Variants in TCTN3 observed in about 807,000 individuals in gnomAD.
TCTN3 encodes the protein tectonic family member 3.
In TCTN3, 57 loss-of-function variants were observed where a neutral mutation model predicts 71.3. The observed-to-expected ratio is 0.80, with a 90% CI of 0.65 to 1.00. TCTN3 has a LOEUF of 1.00. Ranked by LOEUF, TCTN3 falls within the 50% of genes least tolerant of loss-of-function variation. The pLI is 0.00. For synonymous variants in TCTN3, 258 were observed against 267.8 expected (o/e 0.96, Z 0.36); for missense variants, 696 against 719.9 (o/e 0.97, Z 0.38).
At chr10:95,671,285 C>T (rs756247922) in intron 13 of TCTN3, among the ~76,000 whole-genome samples, 5 of 152,154 alleles carry the variant, frequency 3.3e-5, no homozygotes, top group Non-Finnish European at 5.9e-5. Flanking sequence ...CTACTTTAAG[C>T]TATATTTCAT....
At chr10:95,680,778 C>CTTTTT (rs906355850) in intron 12 of TCTN3, among the ~76,000 whole-genome samples, 169 bp from the exon 13 acceptor site, 4 of 134,300 alleles carry the variant, frequency 3.0e-5, no homozygotes, top group Non-Finnish European at 4.7e-5. Context: ...TATTCCTGAT[C>CTTTTT]TTTTTTTTTT....
At chr10:95,686,628 G>A in intron 6 of TCTN3, 98 bp from the exon 7 acceptor site, 1 of 1,158,588 alleles carries the variant, frequency 8.6e-7, no homozygotes, top group Non-Finnish European at 1.3e-6. Flanking sequence ...TGGTTTGGCG[G>A]GCAGGGGAGT....
In TCTN3 at chr10:95,687,710, T is replaced by A; in HGVS notation, c.509A>T (p.Asn170Ile). Reference protein sequence around the residue: ...FCVHVNNSNLNYFQKLQKVNA... With the variant: ...FCVHVNNSNLIYFQKLQKVNA... ...GACCTTTTGAAGCTTCTGGAAATAG[T>A]TTAAGTTTGCTAAAATGTTTTTTAA... The change falls in exon 4 of 14, where the codon AAC (asparagine) becomes ATC (isoleucine). Residue 170 changes from asparagine to isoleucine, a missense_variant. Physicochemically the swap from Asn to Ile is moderately radical, Grantham distance 149. Transcript: ENST00000371217. 1 of 1,609,876 alleles carries A rather than the reference T, an allele frequency of 6.2e-7. No individual in the cohort carries two copies. Among genetic ancestry groups the A allele is most frequent in the Non-Finnish European group, 8.5e-7 (1 of 1,178,960 alleles).
chr10:95,687,979 A>G (rs915332818), intron 3 of TCTN3, among the ~76,000 whole-genome samples: 1 of 152,214 alleles, frequency 6.6e-6, no homozygotes, highest in Non-Finnish European at 1.5e-5. Flanking sequence ...TTCACAATCT[A>G]TTAACTGAAT....
At chr10:95,669,919 CG>C (rs1487910458) in intron 13 of TCTN3, among the ~76,000 whole-genome samples, 1 of 151,142 alleles carries the variant, frequency 6.6e-6, no homozygotes, top group Non-Finnish European at 1.5e-5. Flanking sequence ...AAAAATTAGC[CG>C]GGCGAGGTGG....
intron 12 of TCTN3, 119 bp downstream of exon 12, chr10:95,682,532 C>A: frequency 8.3e-7 from 1 of 1,202,744 alleles, no homozygotes; most frequent in South Asian, 1.7e-5. Context: ...ATTTCTTATA[C>A]TCTTCCTTCT....
chr10:95,687,952 A>C (rs1358873359), intron 3 of TCTN3, among the ~76,000 whole-genome samples: 2 of 152,168 alleles, frequency 1.3e-5, no homozygotes, highest in Non-Finnish European at 2.9e-5. Flanking sequence ...AACAATTCTG[A>C]TTTCCATCAC....
intron 13 of TCTN3, among the ~76,000 whole-genome samples, chr10:95,670,604 G>A (rs2097930077): frequency 6.6e-6 from 1 of 151,720 alleles, no homozygotes; most frequent in African/African-American, 2.4e-5. Context: ...CTGGACTCAG[G>A]CAATCCATCC....
intron 13 of TCTN3, among the ~76,000 whole-genome samples, chr10:95,672,138 C>G (rs913584626): frequency 3.0e-4 from 6 of 20,058 alleles, no homozygotes; most frequent in African/African-American, 5.5e-4. Flanking sequence ...TGACTTTTAT[C>G]ATTAAAAATT....
Position 95,680,535 on chromosome 10 carries a change from G to A in TCTN3, c.1527C>T (p.Leu509=), listed in dbSNP as rs749019337. The A allele has an allele frequency of 6.2e-7, 1 of 1,614,056 alleles. No individual in the cohort carries two copies. Among genetic ancestry groups the A allele is most frequent in the African/African-American group, 1.3e-5 (1 of 74,926 alleles). Residue 509 remains leucine (L), a synonymous_variant, in exon 13 of 14, where the codon CTC becomes CTT. Transcript: ENST00000371217. ...ATACATGAGCTTGCGGGTTGGACAG[G>A]AGACCTACATATGCCCACAATACCT... The part of the protein sequence containing the change: ...EIQVLWAYVG[L]LSNPQAHVSG...
intron 3 of TCTN3, among the ~76,000 whole-genome samples, chr10:95,692,660 C>T (rs1268066940): frequency 1.3e-5 from 2 of 152,042 alleles, no homozygotes; most frequent in East Asian, 3.9e-4. Flanking sequence ...TTAGACCAAG[C>T]TTGTCCAACC....
In TCTN3 at chr10:95,693,812, C is replaced by T; in HGVS notation, c.88G>A (p.Gly30Arg). The change falls in exon 1 of 14, where the codon GGG becomes AGG. Residue 30 changes from glycine (G) to arginine (R), a missense_variant. Physicochemically the swap from Gly to Arg is moderately radical, Grantham distance 125. Coordinates refer to ENST00000371217, the MANE Select transcript of TCTN3 (RefSeq NM_015631.6). ...VRPQPSSSPSGAVPTSLELQR... is the reference protein window; with the variant it reads ...VRPQPSSSPSRAVPTSLELQR... Reference sequence around the variant, plus strand: ...AGCTCCAAAGACGTGGGCACTGCCCCTGATGGGGAGGAAGAGGGCTGAGGC... The same window carrying T: ...AGCTCCAAAGACGTGGGCACTGCCCTTGATGGGGAGGAAGAGGGCTGAGGC... 6.4e-7 allele frequency: 1 copy of T among 1,551,734 alleles called. No homozygotes were observed. Among genetic ancestry groups the T allele is most frequent in the South Asian group, 1.2e-5 (1 of 84,068 alleles).
At position 95,670,319 on chromosome 10, in the gene TCTN3, G is replaced by C. The variant is rs540298026; in HGVS notation, c.1591-6019C>G. On this transcript the variant is annotated intron_variant, in intron 13 of 13. Coordinates refer to ENST00000371217, the MANE Select transcript of TCTN3 (RefSeq NM_015631.6). ...TTACATTGCACTTACTAGGTAACCA[G>C]ATAATACCAAATGTTATTGACCTAC... Among the ~76,000 whole-genome samples, 3 of 151,584 alleles carry C rather than the reference G, an allele frequency of 2.0e-5. No homozygotes were observed. In the East Asian group the frequency reaches 5.8e-4, roughly 29 times the overall value.
chr10:95,683,093 A>C lies in TCTN3; in HGVS notation c.1298+8T>G. On this transcript the variant is annotated splice_region_variant and intron_variant, in intron 11 of 13. Coordinates refer to ENST00000371217, the MANE Select transcript of TCTN3 (RefSeq NM_015631.6). ...ATTGCAGGAAATGATGCGGAAGCAAAGAACTACCTGAGCTTGCATCCAGAT... is the reference window on the plus strand; with the variant it reads ...ATTGCAGGAAATGATGCGGAAGCAACGAACTACCTGAGCTTGCATCCAGAT... 1.8e-5 allele frequency: 29 copies of C among 1,610,802 alleles called. No individual in the cohort carries two copies. The highest frequency in any genetic ancestry group is 2.5e-5 in the Non-Finnish European group (29 of 1,177,790).
At chr10:95,685,048 A>G (rs1224325683) in intron 8 of TCTN3, among the ~76,000 whole-genome samples, 1 of 152,264 alleles carries the variant, frequency 6.6e-6, no homozygotes, top group Non-Finnish European at 1.5e-5. Context: ...ATTTCTGAGC[A>G]TAGTCTTTAA....
At chr10:95,673,809 C>T (rs2097934029) in intron 13 of TCTN3, among the ~76,000 whole-genome samples, 1 of 152,196 alleles carries the variant, frequency 6.6e-6, no homozygotes, top group African/African-American at 2.4e-5. Context: ...CACTTCACTC[C>T]AGCCTGGGCT....
chr10:95,687,407 C>A (rs1309205913), intron 4 of TCTN3, 52 bp from the exon 5 acceptor site: 1 of 1,540,572 alleles, frequency 6.5e-7, no homozygotes, highest in African/African-American at 1.4e-5. Context: ...GACTAAACTA[C>A]AACAGAAAAG....
chr10:95,681,353 G>C (rs2097942834), intron 12 of TCTN3, among the ~76,000 whole-genome samples: 1 of 152,202 alleles, frequency 6.6e-6, no homozygotes, highest in Non-Finnish European at 1.5e-5. Flanking sequence ...TGGGATTACA[G>C]GTGTAAGCCA....
intron 3 of TCTN3, among the ~76,000 whole-genome samples, chr10:95,691,583 A>C (rs575137760): frequency 6.6e-6 from 1 of 152,362 alleles, no homozygotes; most frequent in African/African-American, 2.4e-5. Flanking sequence ...GTTTTCTGAG[A>C]CAAATATAGT....
Sources: allele counts gnomAD v4.1 joint callset (sites outside exome capture counted in the v4.1 genomes callset), GRCh38; gene constraint gnomAD v4.1.1; transcripts MANE v1.5; gene names NCBI Gene and HGNC (gene_info 2026-07-23, HGNC 2026-07-21).